The following TSBP1 variants were observed in gnomAD, a reference collection of about 807,000 sequenced individuals.
TSBP1 encodes testis-expressed basic protein 1.
In TSBP1, 56 loss-of-function variants were observed where a neutral mutation model predicts 68.8. The observed-to-expected ratio is 0.81, with a 90% CI of 0.66 to 1.02. TSBP1 has a LOEUF of 1.02. Ranked by LOEUF, TSBP1 falls within the 50% of genes least tolerant of loss-of-function variation. TSBP1 has a pLI of 0.00. For synonymous variants in TSBP1, 171 were observed against 208.7 expected (o/e 0.82, Z 1.56); for missense variants, 502 against 641.2 (o/e 0.78, Z 2.34).
exon 23 of TSBP1, chr6:32,293,312 G>A (rs752680576): frequency 4.1e-5 from 66 of 1,610,270 alleles, no homozygotes; most frequent in Middle Eastern, 1.6e-4. Context: ...TTGGGATTCT[G>A]GTCCTTTCAG....
intron 18 of TSBP1, 112 bp downstream of exon 20, chr6:32,322,373 CT>C: frequency 2.6e-6 from 2 of 771,512 alleles, no homozygotes; most frequent in South Asian, 1.8e-5. Flanking sequence ...ATCTTGAAGA[CT>C]TTGGGTAATG....
rs1303395408 is a variant in TSBP1 at position 32,325,363 on chromosome 6, C to T, written c.515-1749G>A. ...CCCGGACAGTGTGGTCATGAGAGAT[C>T]CAAACCCAAGCACTCCAGGGGCTTT... On this transcript the variant is annotated intron_variant, in intron 16 of 22. Coordinates refer to ENST00000612031, the Ensembl canonical transcript of TSBP1. This position sits in a 1 kb window ranked among gnomAD's most constrained non-coding sequence, Gnocchi z 4.4. 1 of 996,098 alleles carries T rather than the reference C, an allele frequency of 1.0e-6. No homozygotes were observed. Among genetic ancestry groups the T allele is most frequent in the East Asian group, 2.4e-5 (1 of 41,986 alleles). The allele number at this position is 996,098 out of a possible 1,614,324, so 61.7% of individuals were successfully genotyped here.
chr6:32,366,517 A>G (rs1462627288), intron 4 of TSBP1: 1 of 554,180 alleles, frequency 1.8e-6, no homozygotes, highest in East Asian at 3.4e-5. Flanking sequence ...TGTTCCCAGC[A>G]CTTTGGGAGG....
intron 9 of TSBP1, among the ~76,000 whole-genome samples, chr6:32,347,226 T>C (rs928217164): frequency 5.3e-5 from 8 of 151,220 alleles, no homozygotes; most frequent in African/African-American, 1.9e-4. Context: ...TGCAGTGGCG[T>C]AATCACAATT....
At chr6:32,369,440 G>A (rs186266954) in intron 2 of TSBP1, among the ~76,000 whole-genome samples, 298 of 142,226 alleles carry the variant, frequency 2.1e-3, no homozygotes, top group African/African-American at 7.0e-3. Flanking sequence ...GCGTGATCTC[G>A]GCTCACTGCA....
Position 32,335,354 on chromosome 6 carries a change from G to T in TSBP1, c.472+83C>A. The T allele has an allele frequency of 7.6e-7, 1 of 1,318,736 alleles. No homozygotes were observed. Among genetic ancestry groups the T allele is most frequent in the South Asian group, 1.6e-5 (1 of 63,246 alleles). 81.7% of individuals were successfully genotyped at this position (1,318,736 alleles called of 1,614,324 possible). ...GAAGGACTTGATCCTTGAGTCCTTG[G>T]GCATGAATAATTGAAATAAAAATAG... On this transcript the variant is annotated intron_variant, in intron 14 of 22. Transcript: ENST00000612031. The surrounding 1 kb of genome is among the most constrained non-coding windows in gnomAD (Gnocchi z 5.5).
intron 19 of TSBP1, among the ~76,000 whole-genome samples, chr6:32,311,075 C>G (rs1336192393): frequency 6.6e-6 from 1 of 152,098 alleles, no homozygotes; most frequent in African/African-American, 2.4e-5. Context: ...ACTATCTTCT[C>G]TTGAGTGCTG....
Position 32,305,798 on chromosome 6 carries a change from G to T in TSBP1, c.581-3169C>A, listed in dbSNP as rs1765728349. ...GGCATGAGCCACCACGCCTGGCCAG[G>T]TCATATGTTTTTTAAAGGTCTGTAT... On this transcript the variant is annotated intron_variant, in intron 19 of 22. Coordinates refer to ENST00000612031, the Ensembl canonical transcript of TSBP1. 3.3e-5 allele frequency among the ~76,000 whole-genome samples: 5 copies of T among 152,308 alleles called. No homozygotes were observed. In the South Asian group the frequency reaches 1.0e-3, roughly 32 times the overall value.
At chr6:32,353,561 T>C (rs1012271782) in intron 8 of TSBP1, among the ~76,000 whole-genome samples, 5 of 151,976 alleles carry the variant, frequency 3.3e-5, no homozygotes, top group Admixed American at 6.6e-5. Flanking sequence ...TTTGAGAAAT[T>C]ATGAAATTCT....
exon 15 of TSBP1, chr6:32,332,045 G>A (rs1003878): frequency 0.22 from 348,663 of 1,588,102 alleles, 40,578 homozygotes; most frequent in African/African-American, 0.29. Flanking sequence ...AATAGGTCCT[G>A]GAGTTTGCAC....
intron 18 of TSBP1, among the ~76,000 whole-genome samples, chr6:32,320,843 C>G (rs577222500): frequency 6.6e-6 from 1 of 152,254 alleles, no homozygotes; most frequent in South Asian, 2.1e-4. Flanking sequence ...TCCCACCCTC[C>G]ACCCTCTGAC....
At position 32,294,208 on chromosome 6, in the gene TSBP1, C is replaced by T. The variant is rs765868972; in HGVS notation, c.638-173G>A. 32 of 727,510 alleles carry T rather than the reference C, an allele frequency of 4.4e-5. 1 individual carries two copies. Among genetic ancestry groups the T allele is most frequent in the South Asian group, 2.5e-4 (15 of 60,376 alleles). 45.1% of individuals were successfully genotyped at this position (727,510 alleles called of 1,614,324 possible). ...TCTGTACATAAAATTATAAAAGTAT[C>T]GATAAAATTCTGGACTATTTTCAAT... On this transcript the variant is annotated intron_variant, in intron 22 of 22. Coordinates refer to ENST00000612031, the Ensembl canonical transcript of TSBP1.
intron 15 of TSBP1, 88 bp downstream of exon 16, chr6:32,331,946 A>T: frequency 1.1e-6 from 1 of 943,446 alleles, no homozygotes; most frequent in Non-Finnish European, 1.7e-6. Context: ...CAGCTTCTTT[A>T]ACCCAGATAC....
At chr6:32,300,466 G>A (rs1315243246) in intron 21 of TSBP1, among the ~76,000 whole-genome samples, 2 of 152,092 alleles carry the variant, frequency 1.3e-5, no homozygotes, top group Non-Finnish European at 2.9e-5. Flanking sequence ...ATCTTTGGTA[G>A]TAAATAACTA....
At chr6:32,303,277 T>C (rs1003460826) in intron 19 of TSBP1, among the ~76,000 whole-genome samples, 6 of 151,826 alleles carry the variant, frequency 4.0e-5, no homozygotes, top group African/African-American at 1.5e-4. Context: ...CCAACTGTAG[T>C]TGTGGGTTTT....
chr6:32,360,000 TTAAC>T (rs1260825037), intron 6 of TSBP1, among the ~76,000 whole-genome samples: 2 of 152,188 alleles, frequency 1.3e-5, no homozygotes. Context: ...ATCAAGCTAA[TTAAC>T]ATATCTACCA....
In TSBP1 at chr6:32,333,727, C is replaced by T. The variant is rs1769324995; in HGVS notation, c.473-1673G>A. Among the ~76,000 whole-genome samples the T allele has an allele frequency of 6.6e-6, 1 of 152,228 alleles. No homozygotes were observed. The highest frequency in any genetic ancestry group is 1.5e-5 in the Non-Finnish European group (1 of 68,046). On this transcript the variant is annotated intron_variant, in intron 14 of 22. Transcript: ENST00000612031. The surrounding 1 kb of genome is among the most constrained non-coding windows in gnomAD (Gnocchi z 4.2). The stretch of plus-strand genomic sequence containing the variant: ...CCCAGATGAGAGCTATGGTAATCTT[C>T]TAAGTCTGCGTGGTTAGTTGAATCT...
chr6:32,293,497 C>T (rs1171090202), exon 23 of TSBP1: 2 of 1,609,836 alleles, frequency 1.2e-6, no homozygotes, highest in Non-Finnish European at 1.7e-6. Flanking sequence ...CTTCCTGTCC[C>T]TTTGAGACAC....
Position 32,365,921 on chromosome 6 carries a change from C to A in TSBP1, c.217+246G>T. 1.7e-6 allele frequency: 1 copy of A among 605,682 alleles called. No homozygotes were observed. The highest frequency in any genetic ancestry group is 2.2e-5 in the Admixed American group (1 of 45,864). The allele number at this position is 605,682 out of a possible 1,614,324, so 37.5% of individuals were successfully genotyped here. A position where few individuals can be genotyped will look rare whatever the true frequency, so the allele number is the denominator to read the frequency against. On this transcript the variant is annotated intron_variant, in intron 6 of 22. Coordinates refer to ENST00000612031, the Ensembl canonical transcript of TSBP1. The surrounding 1 kb of genome is among the most constrained non-coding windows in gnomAD (Gnocchi z 4.3). ...CTCCTATTCTACTATTTTGCTGATG[C>A]CTTTCTCTCATATTACTTTTGTTAA...
Sources: gnomAD v4.1 joint callset for allele counts (sites outside exome capture counted in the v4.1 genomes callset) on GRCh38, gnomAD v4.1.1 for gene constraint, Gnocchi (gnomAD v3.1) non-coding constraint, MANE v1.5 for transcripts, NCBI Gene and HGNC (gene_info 2026-07-23, HGNC 2026-07-21) for gene names.